TTC28: variants seen among roughly 807,000 people sequenced by gnomAD.
The protein encoded by TTC28 is tetratricopeptide repeat domain 28, also known as tetratricopeptide repeat protein 28.
A neutral mutation model predicts 198.0 loss-of-function variants in TTC28; 61 were observed. That is an observed-to-expected ratio of 0.31 (90% CI 0.25 to 0.38). TTC28 has a LOEUF of 0.38. Among genes scored for constraint, TTC28 ranks in the 10% least tolerant of loss-of-function variants. TTC28 has a pLI of 1.00. For synonymous variants in TTC28, 1,171 were observed against 1,297.8 expected (o/e 0.90, Z 2.10); for missense variants, 2,678 against 3,164.0 (o/e 0.85, Z 3.69).
At chr22:27,984,292 CT>C (rs1255311471) in intron 22 of TTC28, among the ~76,000 whole-genome samples, 1 of 152,148 alleles carries the variant, frequency 6.6e-6, no homozygotes, top group Non-Finnish European at 1.5e-5. Context: ...GACACTCGCT[CT>C]CCACACTGCC....
intron 6 of TTC28, among the ~76,000 whole-genome samples, chr22:28,114,579 A>AT (rs68190158): frequency 0.023 from 3,150 of 138,950 alleles, 60 homozygotes; most frequent in African/African-American, 0.043. Context: ...AAAGGTATAG[A>AT]TTTTTTTTTT....
intron 1 of TTC28, among the ~76,000 whole-genome samples, chr22:28,659,996 T>C (rs2051716727): frequency 6.6e-6 from 1 of 151,876 alleles, no homozygotes; most frequent in South Asian, 2.1e-4. Context: ...GGTTTCATCA[T>C]GTTGCCCAGG....
At chr22:28,351,631 T>C (rs535280903) in intron 2 of TTC28, among the ~76,000 whole-genome samples, 1 of 152,258 alleles carries the variant, frequency 6.6e-6, no homozygotes, top group South Asian at 2.1e-4. Flanking sequence ...TCAGAGCCAA[T>C]GTTAACCCTC....
chr22:28,185,614 C>T (rs1052982044), intron 5 of TTC28, among the ~76,000 whole-genome samples: 1 of 151,778 alleles, frequency 6.6e-6, no homozygotes, highest in African/African-American at 2.4e-5. Context: ...ATATGTACCA[C>T]AAATAAAGGA....
chr22:28,192,230 T>C (rs1261800426), intron 5 of TTC28, among the ~76,000 whole-genome samples: 2 of 152,158 alleles, frequency 1.3e-5, no homozygotes, highest in Non-Finnish European at 2.9e-5. Flanking sequence ...CTGAGGGTCC[T>C]GACTGTCAGA....
At chr22:28,484,520 T>C (rs562308781) in intron 2 of TTC28, among the ~76,000 whole-genome samples, 1 of 152,310 alleles carries the variant, frequency 6.6e-6, no homozygotes, top group East Asian at 1.9e-4. Context: ...AGAGCTCTTC[T>C]GATCCCTCCC....
At chr22:28,368,189 T>C (rs1294816315) in intron 2 of TTC28, among the ~76,000 whole-genome samples, 1 of 152,010 alleles carries the variant, frequency 6.6e-6, no homozygotes, top group Non-Finnish European at 1.5e-5. Context: ...CAACAAGACA[T>C]TACATATTGG....
chr22:28,595,550 TG>T (rs1286023125), intron 2 of TTC28, among the ~76,000 whole-genome samples: 1 of 152,222 alleles, frequency 6.6e-6, no homozygotes, highest in African/African-American at 2.4e-5. Flanking sequence ...CACAAGATTT[TG>T]CACAGTGTCC....
chr22:28,551,696 C>T (rs1315020557), intron 2 of TTC28, among the ~76,000 whole-genome samples: 1 of 152,090 alleles, frequency 6.6e-6, no homozygotes, highest in Non-Finnish European at 1.5e-5. Flanking sequence ...GACTAAAACC[C>T]TCAGCAAAAT....
At position 28,215,471 on chromosome 22, in the gene TTC28, T is replaced by TC. The variant is rs148967677; in HGVS notation, c.934-51873dup. On this transcript the variant is annotated intron_variant, in intron 5 of 22. Transcript: ENST00000397906. ...GTGAAAAATAATGCCTGCTCTGCCCTCTCTGTTCCTTGCTTCCTTATTTGG... is the reference window on the plus strand; with the variant it reads ...GTGAAAAATAATGCCTGCTCTGCCCTCCTCTGTTCCTTGCTTCCTTATTTGG... 1.0e-2 allele frequency among the ~76,000 whole-genome samples: 1,523 copies of TC among 152,310 alleles called. 25 individuals carry two copies. The highest frequency in any genetic ancestry group is 0.035 in the African/African-American group (1,435 of 41,560).
chr22:28,641,059 C>T (rs1296953122), intron 1 of TTC28, among the ~76,000 whole-genome samples: 2 of 152,186 alleles, frequency 1.3e-5, no homozygotes, highest in Non-Finnish European at 2.9e-5. Context: ...GGCACAGTGG[C>T]TCACATCTGT....
At chr22:28,109,018 A>T (rs1942407029) in intron 6 of TTC28, among the ~76,000 whole-genome samples, 1 of 152,248 alleles carries the variant, frequency 6.6e-6, no homozygotes, top group South Asian at 2.1e-4. Flanking sequence ...AAACTGGAAC[A>T]ACCTTTTTGC....
chr22:28,259,773 T>A (rs1269436743), intron 5 of TTC28, among the ~76,000 whole-genome samples: 1 of 152,158 alleles, frequency 6.6e-6, no homozygotes, highest in Non-Finnish European at 1.5e-5. Flanking sequence ...ACTACTTCAC[T>A]ATTTGCCTTT....
intron 1 of TTC28, among the ~76,000 whole-genome samples, chr22:28,635,453 A>C (rs1200796145): frequency 6.6e-6 from 1 of 152,172 alleles, no homozygotes; most frequent in African/African-American, 2.4e-5. Flanking sequence ...ATAGAGAAAA[A>C]TATTTTGACT....
intron 2 of TTC28, among the ~76,000 whole-genome samples, chr22:28,486,500 G>A (rs2048316829): frequency 6.6e-6 from 1 of 152,064 alleles, no homozygotes; most frequent in Admixed American, 6.6e-5. Flanking sequence ...AAGTGGGGGG[G>A]TGATATCCTT....
At chr22:28,191,225 G>A (rs569362742) in intron 5 of TTC28, among the ~76,000 whole-genome samples, 229 of 152,266 alleles carry the variant, frequency 1.5e-3, no homozygotes, top group Middle Eastern at 0.01. Flanking sequence ...TATGCTAAAG[G>A]TGCCTTCAAA....
intron 15 of TTC28, 45 bp downstream of exon 15, chr22:28,001,329 C>T (rs1234209843): frequency 5.2e-6 from 8 of 1,524,496 alleles, no homozygotes; most frequent in East Asian, 2.5e-5. Context: ...TGCCTCGTGA[C>T]CCGAAAACAA....
rs1311059838 is a variant in TTC28 at position 28,455,711 on chromosome 22, C to T, written c.382-149068G>A. ...CCTGGGTGACAAAGTGAGACTCTTT[C>T]CCAAAAAAAAAAAAAAAAATTAGCA... On this transcript the variant is annotated intron_variant, in intron 2 of 22. Coordinates refer to ENST00000397906, the MANE Select transcript of TTC28 (RefSeq NM_001145418.2). Among the ~76,000 whole-genome samples the T allele has an allele frequency of 4.7e-5, 7 of 148,400 alleles. No homozygotes were observed. The East Asian group carries it at 1.4e-3, about 29-fold the overall frequency.
At chr22:28,579,583 A>G (rs185061203) in intron 2 of TTC28, among the ~76,000 whole-genome samples, 41 of 146,260 alleles carry the variant, frequency 2.8e-4, no homozygotes, top group South Asian at 6.3e-4. Context: ...ATGTGTGTGT[A>G]TATATATATA....
Sources: gnomAD v4.1 joint callset for allele counts (sites outside exome capture counted in the v4.1 genomes callset) on GRCh38, gnomAD v4.1.1 for gene constraint, MANE v1.5 for transcripts, NCBI Gene and HGNC (gene_info 2026-07-23, HGNC 2026-07-21) for gene names.